The following HFM1 variants were observed in gnomAD, a reference collection of about 807,000 sequenced individuals.
HFM1 encodes probable ATP-dependent DNA helicase HFM1.
A neutral mutation model predicts 192.1 loss-of-function variants in HFM1; 169 were observed. The ratio of observed to expected loss-of-function variants is 0.88; its 90% CI spans 0.78 to 1.00. The LOEUF (loss-of-function observed/expected upper bound fraction) is 1.00. HFM1 is among the 50% of genes least tolerant of loss of function. The pLI is 0.00. For missense variants in HFM1, 1,661 were observed against 1,668.0 expected (o/e 1.00, Z 0.07); for synonymous variants, 525 against 537.8 (o/e 0.98, Z 0.33).
chr1:91,314,123 AG>A, intron 28 of HFM1, 63 bp from the exon 29 acceptor site: 1 of 983,760 alleles, frequency 1.0e-6, no homozygotes, highest in African/African-American at 1.6e-5. Context: ...TTAATCTTGA[AG>A]GGCTGATTGT....
chr1:91,369,906 G>A (rs1349075956), intron 13 of HFM1, among the ~76,000 whole-genome samples: 5 of 152,028 alleles, frequency 3.3e-5, no homozygotes, highest in African/African-American at 9.7e-5. Flanking sequence ...TGATAAAGGG[G>A]ATATAGCCAC....
chr1:91,322,154 G>A (rs1025294984), intron 23 of HFM1, among the ~76,000 whole-genome samples: 5 of 152,132 alleles, frequency 3.3e-5, no homozygotes, highest in Admixed American at 1.3e-4. Context: ...AACTTCTGTG[G>A]TACAAGCTAC....
At chr1:91,342,814 C>CAT (rs1655543774) in intron 20 of HFM1, among the ~76,000 whole-genome samples, 1 of 152,088 alleles carries the variant, frequency 6.6e-6, no homozygotes, top group South Asian at 2.1e-4. Context: ...ATATAAAAAG[C>CAT]ATATTAAAAG....
At chr1:91,350,968 A>G (rs957402752) in intron 17 of HFM1, 97 bp from the exon 18 acceptor site, 2 of 924,292 alleles carry the variant, frequency 2.2e-6, no homozygotes, top group Non-Finnish European at 3.0e-6. Context: ...TTGCTACTTT[A>G]CTAATTCATG....
In HFM1 at chr1:91,313,390, G is replaced by A. The variant is rs775482157; in HGVS notation, c.3350C>T (p.Ser1117Phe). ...QRKSETQISH[S>F]KHSDISTIAG... ...TATTGTAGATATGTCTGAATGTTTA[G>A]AATGGGAAATCTGTGTTTCAGATTT... Residue 1117 changes from serine to phenylalanine, a missense_variant, in exon 30 of 39, where the codon TCT becomes TTT. Coordinates refer to ENST00000370425, the MANE Select transcript of HFM1 (RefSeq NM_001017975.6). The A allele has an allele frequency of 6.3e-7, 1 of 1,593,280 alleles. No individual in the cohort carries two copies. Among genetic ancestry groups the A allele is most frequent in the South Asian group, 1.1e-5 (1 of 88,758 alleles).
chr1:91,317,337 C>T (rs1396911668), intron 25 of HFM1, among the ~76,000 whole-genome samples: 3 of 152,122 alleles, frequency 2.0e-5, no homozygotes, highest in African/African-American at 7.2e-5. Flanking sequence ...TCGCTTGAAC[C>T]CGAGAGGCGG....
intron 20 of HFM1, among the ~76,000 whole-genome samples, chr1:91,334,649 G>A (rs939029377): frequency 6.6e-6 from 1 of 152,054 alleles, no homozygotes; most frequent in African/African-American, 2.4e-5. Flanking sequence ...TACTGGATTC[G>A]GCCGGGCGCA....
chr1:91,285,968 G>T (rs1192484399), intron 30 of HFM1, among the ~76,000 whole-genome samples: 3 of 152,126 alleles, frequency 2.0e-5, no homozygotes, highest in Non-Finnish European at 4.4e-5. Flanking sequence ...CAGTACTTGT[G>T]TTCAAGTAAC....
chr1:91,346,854 C>T (rs573042716), intron 19 of HFM1, among the ~76,000 whole-genome samples: 2 of 152,036 alleles, frequency 1.3e-5, no homozygotes, highest in African/African-American at 2.4e-5. Flanking sequence ...TGGGCATGGT[C>T]GCTCACAGCT....
chr1:91,357,928 A>G (rs1410214370), intron 13 of HFM1, among the ~76,000 whole-genome samples: 7 of 152,216 alleles, frequency 4.6e-5, no homozygotes, highest in Non-Finnish European at 1.5e-5. Flanking sequence ...CTATCAAACA[A>G]TGGTGACAGA....
Position 91,276,627 on chromosome 1 carries a change from C to T in HFM1, c.3588+1G>A, listed in dbSNP as rs746229304. 87 of 1,408,454 alleles carry T rather than the reference C, an allele frequency of 6.2e-5. No homozygotes were observed. The highest frequency in any genetic ancestry group is 7.7e-5 in the Non-Finnish European group (79 of 1,026,560). 87.2% of individuals were successfully genotyped at this position (1,408,454 alleles called of 1,614,324 possible). Reference sequence around the variant, plus strand: ...ATGGGAAAAATGTTATTAAAACTAACCTTCAGACGTTTAACTGGAGGAACA... The same window carrying T: ...ATGGGAAAAATGTTATTAAAACTAATCTTCAGACGTTTAACTGGAGGAACA... On this transcript the variant is annotated splice_donor_variant, in intron 32 of 38. Transcript: ENST00000370425. LOFTEE classifies it high-confidence loss of function.
At chr1:91,400,473 C>A (rs1664177567) in intron 2 of HFM1, among the ~76,000 whole-genome samples, 1 of 137,506 alleles carries the variant, frequency 7.3e-6, no homozygotes, top group Admixed American at 8.1e-5. Context: ...GCCAAATAGG[C>A]AAGAATCTTT....
chr1:91,380,220 C>T lies in HFM1; in HGVS notation c.890G>A (p.Arg297Lys). ...KAFDDLLYTDRNFVICAPTGS... is the reference protein window; with the variant it reads ...KAFDDLLYTDKNFVICAPTGS... Reference sequence around the variant, plus strand: ...AGTTGGAGCACAAATCACAAAATTCCTATCTGTGTAAAGAAGCTAAAAAAT... The same window carrying T: ...AGTTGGAGCACAAATCACAAAATTCTTATCTGTGTAAAGAAGCTAAAAAAT... Residue 297 changes from arginine (R) to lysine (K), a missense_variant, in exon 8 of 39, where the codon AGG becomes AAG. Arg to Lys is a conservative substitution (Grantham distance 26, BLOSUM62 2). Transcript: ENST00000370425. 6.4e-7 allele frequency: 1 copy of T among 1,574,048 alleles called. No individual in the cohort carries two copies. Among genetic ancestry groups the T allele is most frequent in the Non-Finnish European group, 8.6e-7 (1 of 1,156,244 alleles).
intron 38 of HFM1, 165 bp downstream of exon 38, chr1:91,262,076 C>CT (rs1223995190): frequency 1.3e-5 from 5 of 397,480 alleles, no homozygotes; most frequent in Admixed American, 8.4e-5. Context: ...ATGTTTGAAA[C>CT]ATCTTAAAGA....
At chr1:91,287,216 G>A (rs924524014) in intron 30 of HFM1, among the ~76,000 whole-genome samples, 14 of 152,200 alleles carry the variant, frequency 9.2e-5, no homozygotes, top group South Asian at 2.1e-4. Flanking sequence ...CAGCGCACAG[G>A]CAAACAAAAA....
intron 30 of HFM1, among the ~76,000 whole-genome samples, chr1:91,310,807 G>C (rs1650337145): frequency 6.6e-6 from 1 of 152,184 alleles, no homozygotes; most frequent in African/African-American, 2.4e-5. Context: ...GTGATTCTGA[G>C]GCCTCCCCAG....
At chr1:91,330,681 CCAGA>C (rs371526121) in intron 20 of HFM1, among the ~76,000 whole-genome samples, 30 of 143,898 alleles carry the variant, frequency 2.1e-4, no homozygotes, top group African/African-American at 5.8e-4. Context: ...GATACCACAA[CCAGA>C]CAAAGACATA....
chr1:91,298,008 T>A (rs1570846617), intron 30 of HFM1, among the ~76,000 whole-genome samples: 2 of 152,204 alleles, frequency 1.3e-5, no homozygotes, highest in Middle Eastern at 3.4e-3. Context: ...GGAGGAAGTT[T>A]GAACCCATGG....
chr1:91,362,370 A>G (rs1409919640), intron 13 of HFM1, among the ~76,000 whole-genome samples: 1 of 152,224 alleles, frequency 6.6e-6, no homozygotes, highest in African/African-American at 2.4e-5. Context: ...TCAATGTGCA[A>G]AAATCTCTAG....
Sources: allele counts gnomAD v4.1 joint callset (sites outside exome capture counted in the v4.1 genomes callset), GRCh38; gene constraint gnomAD v4.1.1; transcripts MANE v1.5; gene names NCBI Gene and HGNC (gene_info 2026-07-23, HGNC 2026-07-21).